The following CFAP299 variants were observed in gnomAD, a reference collection of about 807,000 sequenced individuals.
CFAP299 encodes cilia- and flagella-associated protein 299.
CFAP299 carries 21 observed loss-of-function variants against 27.0 expected under a neutral mutation model. That is an observed-to-expected ratio of 0.78 (90% CI 0.55 to 1.12). The LOEUF (loss-of-function observed/expected upper bound fraction) is 1.12, where lower values mean the gene tolerates loss of function less well. Ranked by LOEUF, CFAP299 falls within the 50% of genes most tolerant of loss-of-function variation. The pLI is 0.00. For synonymous variants in CFAP299, 104 were observed against 98.1 expected (o/e 1.06, Z -0.36); for missense variants, 310 against 276.6 (o/e 1.12, Z -0.86).
chr4:80,454,964 C>T (rs1201705804), intron 2 of CFAP299, among the ~76,000 whole-genome samples: 3 of 152,108 alleles, frequency 2.0e-5, no homozygotes, highest in Non-Finnish European at 4.4e-5. Context: ...GTGGGGGCCA[C>T]AAGACCAGAT....
intron 3 of CFAP299, among the ~76,000 whole-genome samples, chr4:80,597,549 T>TGA (rs1482191557): frequency 6.6e-6 from 1 of 152,224 alleles, no homozygotes; most frequent in Non-Finnish European, 1.5e-5. Flanking sequence ...AATTTATTAA[T>TGA]CTTTTCCTTT....
intron 4 of CFAP299, among the ~76,000 whole-genome samples, chr4:80,935,694 A>G (rs1736853917): frequency 6.6e-6 from 1 of 152,154 alleles, no homozygotes; most frequent in Non-Finnish European, 1.5e-5. Context: ...AGCAATTGTA[A>G]CAAAATAAAA....
intron 2 of CFAP299, chr4:80,388,721 G>A: frequency 3.0e-6 from 2 of 675,568 alleles, no homozygotes; most frequent in South Asian, 1.8e-5. Flanking sequence ...CACCATCTTG[G>A]AGCCCCTATA....
chr4:80,911,916 A>T (rs1472961949), intron 4 of CFAP299, among the ~76,000 whole-genome samples: 1 of 145,840 alleles, frequency 6.9e-6, no homozygotes, highest in Non-Finnish European at 1.5e-5. Flanking sequence ...ACTGAGTTTC[A>T]AAAGCAAAAT....
At chr4:80,341,339 C>T (rs28874685) in intron 1 of CFAP299, among the ~76,000 whole-genome samples, 1,599 of 152,248 alleles carry the variant, frequency 0.011, 12 homozygotes, top group Non-Finnish European at 0.017. Context: ...CAAAAAGCAA[C>T]CAGACTGCTT....
At chr4:80,865,617 C>T (rs1445388176) in intron 3 of CFAP299, among the ~76,000 whole-genome samples, 2 of 152,032 alleles carry the variant, frequency 1.3e-5, no homozygotes, top group South Asian at 2.1e-4. Flanking sequence ...GCATTGTGTT[C>T]ATTAGAAAAA....
chr4:80,825,766 GA>G (rs1314536669), intron 3 of CFAP299, among the ~76,000 whole-genome samples: 1 of 151,862 alleles, frequency 6.6e-6, no homozygotes, highest in African/African-American at 2.4e-5. Flanking sequence ...AGAGTAAAAT[GA>G]AAGGACAATA....
chr4:80,664,943 A>G (rs1019795804), intron 3 of CFAP299, among the ~76,000 whole-genome samples: 4 of 152,096 alleles, frequency 2.6e-5, no homozygotes, highest in African/African-American at 9.7e-5. Flanking sequence ...ACCATTCCTC[A>G]TGGCATGGTC....
At chr4:80,739,741 TTC>T (rs993294561) in intron 3 of CFAP299, among the ~76,000 whole-genome samples, 1 of 151,976 alleles carries the variant, frequency 6.6e-6, no homozygotes, top group African/African-American at 2.4e-5. Context: ...GTTAGAGAAG[TTC>T]TCTGTTATCC....
intron 2 of CFAP299, among the ~76,000 whole-genome samples, chr4:80,522,379 G>A (rs1732964851): frequency 6.6e-6 from 1 of 151,978 alleles, no homozygotes; most frequent in Non-Finnish European, 1.5e-5. Context: ...AGTTGTAGGA[G>A]TGCCTTATAT....
intron 3 of CFAP299, among the ~76,000 whole-genome samples, chr4:80,624,076 T>C (rs1281031678): frequency 6.6e-6 from 1 of 152,174 alleles, no homozygotes; most frequent in Non-Finnish European, 1.5e-5. Context: ...ATGCAGATGT[T>C]GATGCATGAC....
chr4:80,554,925 T>C (rs1212123681), intron 2 of CFAP299, among the ~76,000 whole-genome samples: 4 of 152,154 alleles, frequency 2.6e-5, no homozygotes, highest in Non-Finnish European at 5.9e-5. Flanking sequence ...TTTCTAGATA[T>C]AGAATCATGT....
intron 2 of CFAP299, among the ~76,000 whole-genome samples, chr4:80,476,565 T>C (rs1432325076): frequency 6.6e-6 from 1 of 152,168 alleles, no homozygotes. Context: ...AAGGTTCAGA[T>C]AAGATTTCTT....
Position 80,637,565 on chromosome 4 carries a change from C to T in CFAP299, c.333+54382C>T, listed in dbSNP as rs184305328. On this transcript the variant is annotated intron_variant, in intron 3 of 5. Transcript: ENST00000358105. The stretch of plus-strand genomic sequence containing the variant: ...TAAAGTTAAAATTAAAGAGGAATTC[C>T]CAGCACTATAGCATTTCATTTTATG... 9.2e-5 allele frequency among the ~76,000 whole-genome samples: 14 copies of T among 152,160 alleles called. No individual in the cohort carries two copies. The East Asian group carries it at 2.3e-3, about 25-fold the overall frequency.
At chr4:80,378,179 T>A (rs1172330908) in intron 2 of CFAP299, among the ~76,000 whole-genome samples, 2 of 152,194 alleles carry the variant, frequency 1.3e-5, no homozygotes, top group Non-Finnish European at 2.9e-5. Context: ...CCCTAGAAAT[T>A]TCATTTTTTA....
intron 2 of CFAP299, among the ~76,000 whole-genome samples, chr4:80,512,244 GCA>G (rs1266925136): frequency 3.3e-5 from 5 of 149,796 alleles, no homozygotes; most frequent in African/African-American, 7.5e-5. Context: ...GTGTGTGTGT[GCA>G]TGTGTGTGTG....
intron 2 of CFAP299, among the ~76,000 whole-genome samples, chr4:80,461,146 A>G (rs1216713737): frequency 6.6e-6 from 1 of 152,070 alleles, no homozygotes; most frequent in African/African-American, 2.4e-5. Flanking sequence ...GGGTGTGGAG[A>G]CTGAAATTTT....
chr4:80,800,549 TCAATATATTATA>T (rs1728477046), intron 3 of CFAP299, among the ~76,000 whole-genome samples: 3 of 28,704 alleles, frequency 1.0e-4, no homozygotes, highest in African/African-American at 9.9e-4. Context: ...ATATAATATA[TCAATATATTATA>T]TAATATATTA....
chr4:80,591,906 A>G (rs147020133), intron 3 of CFAP299, among the ~76,000 whole-genome samples: 1 of 152,332 alleles, frequency 6.6e-6, no homozygotes, highest in African/African-American at 2.4e-5. Context: ...TATTTTTAAC[A>G]AAGAGAGAAT....
Sources: gnomAD v4.1 joint callset for allele counts (sites outside exome capture counted in the v4.1 genomes callset) on GRCh38, gnomAD v4.1.1 for gene constraint, MANE v1.5 for transcripts, NCBI Gene and HGNC (gene_info 2026-07-23, HGNC 2026-07-21) for gene names.